The following RNF167 variants were observed in gnomAD, a reference collection of about 807,000 sequenced individuals.
RNF167 encodes the protein E3 ubiquitin-protein ligase RNF167.
Under a neutral mutation model 34.8 loss-of-function variants are expected in RNF167, and 19 were observed. The ratio of observed to expected loss-of-function variants is 0.55; its 90% CI spans 0.38 to 0.80. RNF167 has a LOEUF of 0.80. RNF167 is among the 30% of genes least tolerant of loss of function. RNF167 has a pLI of 0.00. For synonymous variants in RNF167, 200 were observed against 170.4 expected (o/e 1.17, Z -1.35); for missense variants, 464 against 447.0 (o/e 1.04, Z -0.34).
chr17:4,943,403 C>G (rs1192762539), intron 7 of RNF167, 23 bp from the exon 8 acceptor site: 1 of 1,608,140 alleles, frequency 6.2e-7, no homozygotes, highest in South Asian at 1.1e-5. Flanking sequence ...TAAGCCTTGT[C>G]CATCCACCCC....
At position 4,943,432 on chromosome 17, in the gene RNF167, C is replaced by G; in HGVS notation, c.583C>G (p.Arg195Gly). ...VLAMGAVMIARCIQHRKRLQR... is the reference protein window; with the variant it reads ...VLAMGAVMIAGCIQHRKRLQR... The stretch of plus-strand genomic sequence containing the variant: ...CCACCCCCGCTTCCCCCAGATAGCT[C>G]GTTGTATCCAGCACCGGAAACGGCT... Residue 195 changes from arginine to glycine, a missense_variant, in exon 8 of 10, where the codon CGT becomes GGT. By Grantham distance (125) the Arg-to-Gly change is moderately radical. Transcript: ENST00000262482. 6.2e-7 allele frequency: 1 copy of G among 1,613,680 alleles called. No homozygotes were observed. The highest frequency in any genetic ancestry group is 1.1e-5 in the South Asian group (1 of 90,982).
At position 4,943,500 on chromosome 17, in the gene RNF167, T is replaced by C. The variant is rs958037563; in HGVS notation, c.651T>C (p.Pro217=). ...CCAAAGAGCAACTGAAACAGATTCC[T>C]ACACATGACTATCAGAAGGGTGAGG... ...RLTKEQLKQI[P]THDYQKGDQY... The change falls in exon 8 of 10, where the codon CCT becomes CCC. Residue 217 remains proline, a synonymous_variant. Transcript: ENST00000262482. The C allele has an allele frequency of 3.1e-6, 5 of 1,613,344 alleles. No individual in the cohort carries two copies. Among genetic ancestry groups the C allele is most frequent in the Non-Finnish European group, 4.2e-6 (5 of 1,179,590 alleles).
chr17:4,944,301 A>C, intron 8 of RNF167: 1 of 744,986 alleles, frequency 1.3e-6, no homozygotes, highest in Non-Finnish European at 1.8e-6. Flanking sequence ...AGCCCTGCCC[A>C]TTTCCGTTCC....
At chr17:4,941,341 T>C (rs1970783222) in intron 3 of RNF167, among the ~76,000 whole-genome samples, 184 bp downstream of exon 3, 1 of 152,010 alleles carries the variant, frequency 6.6e-6, no homozygotes, top group African/African-American at 2.4e-5. Context: ...ACCCAGAATC[T>C]AGAGGGAGAA....
In RNF167 at chr17:4,943,210, T is replaced by C; in HGVS notation, c.502T>C (p.Phe168Leu). ...GGTGCTTCTGGTTCCAGACAATACC[T>C]TCCCCTTGGGCTATTACCTCATCCC... Reference protein sequence around the residue: ...ARVLLVPDNTFPLGYYLIPFT... With the variant: ...ARVLLVPDNTLPLGYYLIPFT... Residue 168 changes from phenylalanine (F) to leucine (L), a missense_variant, in exon 7 of 10, where the codon TTC becomes CTC. Physicochemically the swap from Phe to Leu is conservative, Grantham distance 22. Coordinates refer to ENST00000262482, the MANE Select transcript of RNF167 (RefSeq NM_015528.3). 6 of 1,614,166 alleles carry C rather than the reference T, an allele frequency of 3.7e-6. No individual in the cohort carries two copies. The highest frequency in any genetic ancestry group is 5.1e-6 in the Non-Finnish European group (6 of 1,180,012).
chr17:4,940,156 G>C (rs533901700), upstream of RNF167: 51 of 404,306 alleles, frequency 1.3e-4, 1 homozygote, highest in East Asian at 6.2e-4. Flanking sequence ...GAAACCAGAG[G>C]AAAGGCGCTG....
Position 4,943,274 on chromosome 17 carries a change from G to A in RNF167, c.566G>A (p.Gly189Glu), listed in dbSNP as rs758849202. 1 of 1,613,896 alleles carries A rather than the reference G, an allele frequency of 6.2e-7. No homozygotes were observed. Among genetic ancestry groups the A allele is most frequent in the East Asian group, 2.2e-5 (1 of 44,886 alleles). The change falls in exon 7 of 10, where the codon GGA (glycine) becomes GAA (glutamate). Residue 189 changes from glycine to glutamate, a missense_variant. Coordinates refer to ENST00000262482, the MANE Select transcript of RNF167 (RefSeq NM_015528.3). ...GIVGLLVLAM[G>E]AVMIARCIQH... ...GTGGGACTGCTGGTTTTGGCCATGG[G>A]AGCAGTAATGGTGAGTAGCTGAGGG...
intron 6 of RNF167, 79 bp downstream of exon 6, chr17:4,943,020 C>T (rs1002979173): frequency 7.1e-7 from 1 of 1,411,688 alleles, no homozygotes; most frequent in African/African-American, 1.4e-5. Flanking sequence ...TCCTCATTAC[C>T]CGAACCATTC....
At chr17:4,940,112 A>G (rs1970633373), upstream of RNF167, 3 of 439,430 alleles carry the variant, frequency 6.8e-6, no homozygotes, top group Non-Finnish European at 1.2e-5. Flanking sequence ...GAGGAGCTTG[A>G]TGGAAGCGTG....
intron 3 of RNF167, 28 bp downstream of exon 3, chr17:4,941,185 TTCCC>T: frequency 6.4e-7 from 1 of 1,559,828 alleles, no homozygotes; most frequent in Non-Finnish European, 8.8e-7. Flanking sequence ...CTTTTCCTCC[TTCCC>T]TCCCTTCCTT....
chr17:4,944,649 C>T lies in RNF167; in HGVS notation c.751+11C>T. ...TCCCCTGTGCTCATGGTGAGGCCCTCACTGCCTGCCCATGCCCCTCTGCCA... is the reference window on the plus strand; with the variant it reads ...TCCCCTGTGCTCATGGTGAGGCCCTTACTGCCTGCCCATGCCCCTCTGCCA... On this transcript the variant is annotated intron_variant, in intron 9 of 9. Coordinates refer to ENST00000262482, the MANE Select transcript of RNF167 (RefSeq NM_015528.3). The T allele has an allele frequency of 6.2e-7, 1 of 1,614,118 alleles. No homozygotes were observed. The highest frequency in any genetic ancestry group is 1.3e-5 in the African/African-American group (1 of 75,020).
chr17:4,940,103 A>G (rs1386657992), upstream of RNF167: 2 of 447,206 alleles, frequency 4.5e-6, no homozygotes, highest in African/African-American at 2.1e-5. Flanking sequence ...GAGCTGAAGG[A>G]GGAGCTTGAT....
At position 4,944,562 on chromosome 17, in the gene RNF167, C is replaced by T. The variant is rs141830959; in HGVS notation, c.675C>T (p.Asp225=). The T allele has an allele frequency of 1.0e-4, 159 of 1,591,690 alleles. No individual in the cohort carries two copies. The African/African-American group carries it at 1.9e-3, about 19-fold the overall frequency. The change falls in exon 9 of 10, where the codon GAC becomes GAT. Residue 225 remains aspartate, a synonymous_variant. Transcript: ENST00000262482. ...ATTATTTTCTTTCTGTCCCAGGAGA[C>T]CAGTATGATGTCTGTGCCATTTGCC... is the stretch of plus-strand genomic sequence containing the variant. ...QIPTHDYQKG[D]QYDVCAICLD...
chr17:4,944,977 C>G lies in RNF167; in HGVS notation c.1014C>G (p.Pro338=). ...PLVFPGPSTD[P]PLSPPSSPVI... ...TTTTTCCTGGGCCTTCAACAGATCC[C>G]CCACTGTCCCCTCCCTCTTCCCCTG... Residue 338 remains proline, a synonymous_variant, in exon 10 of 10, where the codon CCC becomes CCG. Transcript: ENST00000262482. 1 of 1,584,224 alleles carries G rather than the reference C, an allele frequency of 6.3e-7. No homozygotes were observed. The highest frequency in any genetic ancestry group is 8.6e-7 in the Non-Finnish European group (1 of 1,165,068).
intron 6 of RNF167, 109 bp from the exon 7 acceptor site, chr17:4,943,070 C>G: frequency 7.7e-7 from 1 of 1,296,494 alleles, no homozygotes; most frequent in Non-Finnish European, 1.1e-6. Context: ...TGACTTTCTT[C>G]CCATTCCTGT....
chr17:4,942,896 A>G lies in RNF167; in HGVS notation c.425A>G (p.Glu142Gly). ...TGGATCCCGTCTGTATTTATTGGGG[A>G]GAGAAGCTCCGAGTACCTGCGTGCC... ...QIWIPSVFIG[E>G]RSSEYLRALF... Residue 142 changes from glutamate to glycine, a missense_variant, in exon 6 of 10, where the codon GAG becomes GGG. Coordinates refer to ENST00000262482, the MANE Select transcript of RNF167 (RefSeq NM_015528.3). 1 of 1,614,190 alleles carries G rather than the reference A, an allele frequency of 6.2e-7. No homozygotes were observed. The highest frequency in any genetic ancestry group is 1.1e-5 in the South Asian group (1 of 91,086).
In RNF167 at chr17:4,940,935, C is replaced by G. The variant is rs539931954; in HGVS notation, c.26C>G (p.Pro9Arg). 1.0e-4 allele frequency: 166 copies of G among 1,608,710 alleles called. 2 individuals carry two copies. In the South Asian group the frequency reaches 1.2e-3, roughly 12 times the overall value. ...ATGCACCCTGCAGCCTTCCCGCTTC[C>G]TGTGGTTGTGGCCGCTGTGCTGTGG... MHPAAFPLPVVVAAVLWGA... is the reference protein window; with the variant it reads MHPAAFPLRVVVAAVLWGA... The change falls in exon 2 of 10, where the codon CCT (proline) becomes CGT (arginine). Residue 9 changes from proline to arginine, a missense_variant. Coordinates refer to ENST00000262482, the MANE Select transcript of RNF167 (RefSeq NM_015528.3).
intron 8 of RNF167, 92 bp downstream of exon 8, chr17:4,943,611 A>T (rs1186832993): frequency 9.4e-7 from 1 of 1,062,578 alleles, no homozygotes; most frequent in African/African-American, 1.6e-5. Context: ...CAAAGATGGC[A>T]GTGGCCGGGC....
At chr17:4,942,749 A>G in intron 5 of RNF167, 85 bp downstream of exon 5, 3 of 1,586,480 alleles carry the variant, frequency 1.9e-6, no homozygotes, top group Non-Finnish European at 2.6e-6. Flanking sequence ...AAAAGAAGCC[A>G]ATCCTTTAGG....
Sources: allele counts gnomAD v4.1 joint callset (sites outside exome capture counted in the v4.1 genomes callset), GRCh38; gene constraint gnomAD v4.1.1; transcripts MANE v1.5; gene names NCBI Gene and HGNC (gene_info 2026-07-23, HGNC 2026-07-21).